FBXO34: variants seen among roughly 807,000 people sequenced by gnomAD.
FBXO34 encodes the protein F-box protein 34, also known as F-box only protein 34.
FBXO34 carries 12 observed loss-of-function variants against 24.5 expected under a neutral mutation model. The ratio of observed to expected loss-of-function variants is 0.49; its 90% CI spans 0.31 to 0.79. The LOEUF (loss-of-function observed/expected upper bound fraction) is 0.79. Ranked by LOEUF, FBXO34 falls within the 30% of genes least tolerant of loss-of-function variation. The probability of loss-of-function intolerance (pLI) is 0.04; values close to 1 mark genes in which losing one functional copy is unlikely to be tolerated. For synonymous variants in FBXO34, 320 were observed against 311.9 expected, an observed-to-expected ratio of 1.03 and a Z score of -0.27; for missense variants, 823 against 857.7, an observed-to-expected ratio of 0.96 and a Z score of 0.51.
chr14:55,309,308 C>T (rs776923615), intron 1 of FBXO34, among the ~76,000 whole-genome samples: 18 of 151,974 alleles, frequency 1.2e-4, no homozygotes, highest in Middle Eastern at 3.4e-3. Context: ...AGGAGTGTGG[C>T]GGTGTGTGGA....
the FBXO34 span, among the ~76,000 whole-genome samples, chr14:55,379,585 T>A: frequency 6.8e-4 from 103 of 152,198 alleles, no homozygotes; most frequent in South Asian, 0.02. Flanking sequence ...TTTAAAAAAA[T>A]TAAAAAGAAT....
downstream of FBXO34, among the ~76,000 whole-genome samples, chr14:55,375,016 C>T (rs967976853): frequency 2.6e-5 from 4 of 152,192 alleles, no homozygotes; most frequent in Non-Finnish European, 5.9e-5. Context: ...CCATGAAATA[C>T]GATCAGTCTT....
chr14:55,353,841 C>A (rs1244972902), downstream of FBXO34, among the ~76,000 whole-genome samples: 1 of 152,076 alleles, frequency 6.6e-6, no homozygotes, highest in Non-Finnish European at 1.5e-5. Flanking sequence ...GTTCGAGTGA[C>A]GTATTATCTA....
At chr14:55,271,666 T>TGGGGGC (rs1209343094) in intron 1 of FBXO34, 129 bp downstream of exon 1, 3 of 147,380 alleles carry the variant, frequency 2.0e-5, no homozygotes, top group Non-Finnish European at 3.0e-5. Context: ...CGGGTGGGGG[T>TGGGGGC]GGGGGCGGGG....
the FBXO34 span, among the ~76,000 whole-genome samples, chr14:55,440,128 A>ATCAATC: frequency 2.0e-5 from 3 of 151,898 alleles, no homozygotes; most frequent in East Asian, 1.9e-4. Context: ...CAATCAATCA[A>ATCAATC]AAACCAGAAC....
At chr14:55,298,297 A>G (rs1486078488) in intron 1 of FBXO34, among the ~76,000 whole-genome samples, 2 of 152,062 alleles carry the variant, frequency 1.3e-5, no homozygotes, top group East Asian at 1.9e-4. Flanking sequence ...TGGCCCAGGG[A>G]AGCCAAAAGA....
the FBXO34 span, among the ~76,000 whole-genome samples, chr14:55,428,119 CTTTTTTTTTTTTTT>C: frequency 1.2e-3 from 54 of 43,360 alleles, 1 homozygote; most frequent in African/African-American, 6.1e-3. Flanking sequence ...CATGCCTTAT[CTTTTTTTTTTTTTT>C]TTTTTTTTTT....
At chr14:55,402,109 AT>A in the FBXO34 span, among the ~76,000 whole-genome samples, 4 of 152,160 alleles carry the variant, frequency 2.6e-5, no homozygotes, top group African/African-American at 9.7e-5. Context: ...CATGCACTCT[AT>A]TAGGGATGCA....
the FBXO34 span, among the ~76,000 whole-genome samples, chr14:55,389,101 T>C: frequency 2.6e-5 from 4 of 152,368 alleles, no homozygotes; most frequent in African/African-American, 9.6e-5. Context: ...ACCACTGTTA[T>C]AGGGTCCACT....
the FBXO34 span, among the ~76,000 whole-genome samples, chr14:55,415,546 A>C: frequency 6.6e-6 from 1 of 152,218 alleles, no homozygotes; most frequent in Non-Finnish European, 1.5e-5. Flanking sequence ...AAACAGCTTA[A>C]ATGCCCGTCA....
At chr14:55,367,641 G>A (rs1323890007) in exon 3 of FBXO34, 4 of 152,122 alleles carry the variant, frequency 2.6e-5, no homozygotes, top group African/African-American at 9.7e-5. Context: ...CTACTCGGGA[G>A]GTTGAGATGG....
the FBXO34 span, chr14:55,378,207 A>G: frequency 3.0e-6 from 2 of 676,472 alleles, no homozygotes; most frequent in Non-Finnish European, 2.5e-6. Flanking sequence ...GCACTTAAAG[A>G]CTTTCTAAGA....
At chr14:55,376,556 T>C in the FBXO34 span, among the ~76,000 whole-genome samples, 1 of 152,164 alleles carries the variant, frequency 6.6e-6, no homozygotes, top group African/African-American at 2.4e-5. Context: ...ATGTTAACTA[T>C]CTGAGGTGGG....
At chr14:55,419,662 G>A in the FBXO34 span, among the ~76,000 whole-genome samples, 1 of 152,162 alleles carries the variant, frequency 6.6e-6, no homozygotes, top group Non-Finnish European at 1.5e-5. Context: ...CCTTAGACAT[G>A]GTGGCTGTAG....
At chr14:55,299,919 C>G (rs1566545966) in intron 1 of FBXO34, among the ~76,000 whole-genome samples, 1 of 152,140 alleles carries the variant, frequency 6.6e-6, no homozygotes, top group Non-Finnish European at 1.5e-5. Flanking sequence ...CAAATCATGC[C>G]CAAGTTTGGT....
At chr14:55,380,875 A>AT in the FBXO34 span, among the ~76,000 whole-genome samples, 342 of 112,696 alleles carry the variant, frequency 3.0e-3, no homozygotes, top group East Asian at 9.6e-3. Flanking sequence ...ATATATATAT[A>AT]TTTTTTTTTT....
chr14:55,409,552 G>A, the FBXO34 span, among the ~76,000 whole-genome samples: 1 of 142,782 alleles, frequency 7.0e-6, no homozygotes, highest in East Asian at 2.0e-4. Flanking sequence ...TAACGTATGA[G>A]CAGGCACCTA....
intron 1 of FBXO34, among the ~76,000 whole-genome samples, chr14:55,323,035 C>CAAAAAAAAAA (rs1883198711): frequency 5.3e-5 from 3 of 56,904 alleles, no homozygotes; most frequent in Admixed American, 1.5e-4. Flanking sequence ...AAAAAAAAAG[C>CAAAAAAAAAA]AAAAACGGGC....
the FBXO34 span, among the ~76,000 whole-genome samples, chr14:55,417,916 A>T: frequency 6.6e-6 from 1 of 152,318 alleles, no homozygotes; most frequent in East Asian, 1.9e-4. Flanking sequence ...ACCTCTAACT[A>T]GCTTTAAAAT....
Sources: gnomAD v4.1 joint callset for allele counts (sites outside exome capture counted in the v4.1 genomes callset) on GRCh38, gnomAD v4.1.1 for gene constraint, MANE v1.5 for transcripts, NCBI Gene and HGNC (gene_info 2026-07-23, HGNC 2026-07-21) for gene names.